Variants in GSR observed in about 807,000 individuals in gnomAD.
GSR encodes the protein glutathione reductase, mitochondrial.
A neutral mutation model predicts 56.5 loss-of-function variants in GSR; 48 were observed. The ratio of observed to expected loss-of-function variants is 0.85; its 90% CI spans 0.67 to 1.08. GSR has a LOEUF of 1.08. Ranked by LOEUF, GSR falls within the 50% of genes least tolerant of loss-of-function variation. The pLI is 0.00. For synonymous variants in GSR, 264 were observed against 270.8 expected (o/e 0.97, Z 0.25); for missense variants, 694 against 703.3 (o/e 0.99, Z 0.15).
intron 1 of GSR, among the ~76,000 whole-genome samples, chr8:30,714,347 A>C (rs1309044620): frequency 6.6e-6 from 1 of 150,748 alleles, no homozygotes; most frequent in Admixed American, 6.7e-5. Context: ...AGTAGCTGGG[A>C]CCACAGGCGT....
chr8:30,688,881 C>A (rs894443257), intron 9 of GSR, among the ~76,000 whole-genome samples: 1 of 151,696 alleles, frequency 6.6e-6, no homozygotes, highest in Non-Finnish European at 1.5e-5. Flanking sequence ...TATGATCACA[C>A]CACTGAACTC....
rs1321268581 is a variant in GSR, at chr8:30,679,580, G to A, written c.1509C>T (p.Asp503=). The A allele has an allele frequency of 1.5e-5, 24 of 1,614,072 alleles. No individual in the cohort carries two copies. The highest frequency in any genetic ancestry group is 2.0e-5 in the Non-Finnish European group (24 of 1,179,982). ...GGTGAATGGCGACTGTGTTGTCAAA[G>A]TCTGCCTTCGTTGCTCCCATCTTCA... ...VAVKMGATKA[D]FDNTVAIHPT... The change falls in exon 13 of 13, where the codon GAC becomes GAT. Residue 503 remains aspartate (D), a synonymous_variant. Transcript: ENST00000221130.
intron 4 of GSR, among the ~76,000 whole-genome samples, chr8:30,707,728 G>A (rs1465912826): frequency 1.3e-5 from 2 of 152,108 alleles, no homozygotes; most frequent in East Asian, 3.9e-4. Context: ...GACAAGGTGG[G>A]CAGATCACCT....
intron 5 of GSR, among the ~76,000 whole-genome samples, chr8:30,700,723 C>CAAAAAAAAA (rs55702917): frequency 0.028 from 2,263 of 79,850 alleles, 281 homozygotes; most frequent in Non-Finnish European, 0.032. Context: ...ATTTTGTCTC[C>CAAAAAAAAA]AAAAAAAAAA....
intron 3 of GSR, among the ~76,000 whole-genome samples, chr8:30,708,602 CA>C (rs1404917775): frequency 3.3e-5 from 5 of 152,284 alleles, no homozygotes; most frequent in Admixed American, 3.3e-4. Flanking sequence ...AAACTGGAAG[CA>C]GAGACCTGAA....
intron 9 of GSR, 90 bp from the exon 10 acceptor site, chr8:30,684,289 A>G: frequency 2.5e-6 from 2 of 802,716 alleles, no homozygotes; most frequent in Admixed American, 3.4e-5. Flanking sequence ...CTCATTTCAC[A>G]TGGGAACTGC....
intron 4 of GSR, among the ~76,000 whole-genome samples, chr8:30,705,305 C>T (rs1355842467): frequency 6.6e-6 from 1 of 151,896 alleles, no homozygotes; most frequent in Non-Finnish European, 1.5e-5. Flanking sequence ...CATTTTTGCC[C>T]AGGCTGGAGT....
intron 10 of GSR, among the ~76,000 whole-genome samples, chr8:30,683,858 T>C (rs1803039200): frequency 6.6e-6 from 1 of 152,102 alleles, no homozygotes; most frequent in Admixed American, 6.6e-5. Context: ...CAACGGGTGA[T>C]CATATTGTCT....
intron 1 of GSR, 23 bp downstream of exon 1, chr8:30,727,507 C>T: frequency 2.0e-6 from 3 of 1,534,392 alleles, no homozygotes; most frequent in Non-Finnish European, 2.6e-6. Context: ...CGCCCCCCGC[C>T]CGAACAAACC....
Position 30,682,009 on chromosome 8 carries a change from T to C in GSR, c.1206A>G (p.Glu402=). 4 of 1,613,208 alleles carry C rather than the reference T, an allele frequency of 2.5e-6. No homozygotes were observed. The highest frequency in any genetic ancestry group is 3.3e-4 in the Middle Eastern group (2 of 6,060). The change falls in exon 11 of 13, where the codon GAA becomes GAG. Residue 402 remains glutamate, a synonymous_variant. Transcript: ENST00000221130. ...TGTTGTTATAATCTAATTTGGAATC[T>C]TCCTTATATTCAAAAAGTCGATGGG... is the stretch of plus-strand genomic sequence containing the variant. ...KLAHRLFEYK[E]DSKLDYNNIP...
intron 6 of GSR, among the ~76,000 whole-genome samples, chr8:30,696,907 C>T (rs1803561887): frequency 6.6e-6 from 1 of 152,096 alleles, no homozygotes. Context: ...CCATGTTAGC[C>T]CAGGCTAGTC....
chr8:30,720,885 G>A (rs1480285384), intron 1 of GSR, among the ~76,000 whole-genome samples: 1 of 151,870 alleles, frequency 6.6e-6, no homozygotes, highest in African/African-American at 2.4e-5. Context: ...CACTTTTGAC[G>A]GGTCAAGACT....
intron 6 of GSR, 55 bp downstream of exon 6, chr8:30,700,026 T>C: frequency 3.1e-6 from 4 of 1,289,790 alleles, no homozygotes; most frequent in Non-Finnish European, 4.5e-6. Context: ...GAAGAAAAGT[T>C]ACCAGGAGAC....
At chr8:30,684,778 C>A (rs1279489937) in intron 9 of GSR, among the ~76,000 whole-genome samples, 1 of 151,944 alleles carries the variant, frequency 6.6e-6, no homozygotes, top group Non-Finnish European at 1.5e-5. Context: ...GAGACAGGGT[C>A]TCGCTCTGTT....
At chr8:30,705,595 G>A (rs1803893196) in intron 4 of GSR, among the ~76,000 whole-genome samples, 1 of 152,114 alleles carries the variant, frequency 6.6e-6, no homozygotes, top group Non-Finnish European at 1.5e-5. Context: ...GTAGGGTGTG[G>A]TGGGACAGTG....
rs1803680464 is a variant in GSR at position 30,700,130 on chromosome 8, T to G, written c.646A>C (p.Ser216Arg). ...AATCCATCGCTGGTTATTCCTAAGC[T>G]GGCACCTATGTAGAAAAAGGCAACA... is the stretch of plus-strand genomic sequence containing the variant. ...TPHESQIPGASLGITSDGFFQ... is the reference protein window; with the variant it reads ...TPHESQIPGARLGITSDGFFQ... Residue 216 changes from serine (S) to arginine (R), a missense_variant, in exon 6 of 13, where the codon AGC (serine) becomes CGC (arginine). By Grantham distance (110) the Ser-to-Arg change is moderately radical. Transcript: ENST00000221130. 1.2e-6 allele frequency: 2 copies of G among 1,612,024 alleles called. No individual in the cohort carries two copies. Among genetic ancestry groups the G allele is most frequent in the South Asian group, 2.2e-5 (2 of 91,038 alleles).
chr8:30,685,722 T>C (rs1803138036), intron 9 of GSR, among the ~76,000 whole-genome samples: 1 of 151,936 alleles, frequency 6.6e-6, no homozygotes, highest in Non-Finnish European at 1.5e-5. Context: ...GGCCTGTAAA[T>C]CCTAGCACTT....
intron 8 of GSR, 90 bp downstream of exon 8, chr8:30,692,879 T>C (rs553940115): frequency 7.5e-6 from 6 of 798,028 alleles, no homozygotes; most frequent in Admixed American, 3.4e-5. Context: ...GTAGACATAG[T>C]GTTTGTGTTT....
At chr8:30,716,158 G>A (rs1804326728) in intron 1 of GSR, among the ~76,000 whole-genome samples, 1 of 152,216 alleles carries the variant, frequency 6.6e-6, no homozygotes, top group African/African-American at 2.4e-5. Context: ...GACTGTATCA[G>A]TATCTTGGCC....
Sources: gnomAD v4.1 joint callset for allele counts (sites outside exome capture counted in the v4.1 genomes callset) on GRCh38, gnomAD v4.1.1 for gene constraint, MANE v1.5 for transcripts, NCBI Gene and HGNC (gene_info 2026-07-23, HGNC 2026-07-21) for gene names.